FOXP2: variants seen among roughly 807,000 people sequenced by gnomAD.
FOXP2 encodes forkhead box protein P2.
FOXP2 carries 12 observed loss-of-function variants against 115.8 expected under a neutral mutation model. The observed-to-expected ratio is 0.10, with a 90% CI of 0.07 to 0.17. FOXP2 has a LOEUF of 0.17. Ranked by LOEUF, FOXP2 falls within the 10% of genes least tolerant of loss-of-function variation. FOXP2 has a pLI of 1.00. For synonymous variants in FOXP2, 328 were observed against 297.7 expected, an observed-to-expected ratio of 1.10 and a Z score of -1.05; for missense variants, 629 against 843.5, an observed-to-expected ratio of 0.75 and a Z score of 3.15.
chr7:114,208,144 G>A (rs978339791), intron 1 of FOXP2, among the ~76,000 whole-genome samples: 1 of 152,166 alleles, frequency 6.6e-6, no homozygotes, highest in African/African-American at 2.4e-5. Context: ...GAAAGCAACT[G>A]GGAGAGAGGC....
chr7:114,229,342 A>G (rs182742239), intron 1 of FOXP2, among the ~76,000 whole-genome samples: 4 of 151,748 alleles, frequency 2.6e-5, no homozygotes, highest in African/African-American at 9.6e-5. Context: ...CTCACTTTCA[A>G]TAGTGGATAG....
Position 114,505,004 on chromosome 7 carries a change from A to G in FOXP2, c.169-29613A>G, listed in dbSNP as rs1797742273. On this transcript the variant is annotated intron_variant, in intron 2 of 16. Coordinates refer to ENST00000350908, the MANE Select transcript of FOXP2 (RefSeq NM_014491.4). ...AAAAAATTACTGATTTGTTTTAACT[A>G]TTAGTTGGTTACTTATCCATTCAAA... is the stretch of plus-strand genomic sequence containing the variant. 4.0e-5 allele frequency among the ~76,000 whole-genome samples: 6 copies of G among 151,642 alleles called. No individual in the cohort carries two copies. The South Asian group carries it at 1.2e-3, about 31-fold the overall frequency.
chr7:114,176,290 TTCTTTCTTTCTC>T (rs1330060090), intron 1 of FOXP2, among the ~76,000 whole-genome samples: 8 of 37,682 alleles, frequency 2.1e-4, no homozygotes, highest in Non-Finnish European at 4.7e-4. Context: ...CTTTCTTTCT[TTCTTTCTTTCTC>T]TCTCTCTCTC....
chr7:114,576,616 G>C (rs894646988), intron 3 of FOXP2, among the ~76,000 whole-genome samples: 6 of 151,768 alleles, frequency 4.0e-5, no homozygotes, highest in Non-Finnish European at 8.8e-5. Context: ...CAAATAAATT[G>C]ATACACACAC....
At chr7:114,188,344 A>G (rs1262606030) in intron 1 of FOXP2, among the ~76,000 whole-genome samples, 1 of 152,030 alleles carries the variant, frequency 6.6e-6, no homozygotes, top group Non-Finnish European at 1.5e-5. Flanking sequence ...GCCTGGCATC[A>G]CTGGCTTTCT....
upstream of FOXP2, among the ~76,000 whole-genome samples, chr7:114,161,466 T>C (rs116914374): frequency 9.2e-5 from 14 of 152,278 alleles, no homozygotes; most frequent in East Asian, 1.9e-3. Context: ...CCACATATAT[T>C]TTACTTTTTG....
chr7:114,387,336 G>A lies in FOXP2; in HGVS notation c.-10-39166G>A, dbSNP rs1792478439. Among the ~76,000 whole-genome samples the A allele has an allele frequency of 2.6e-5, 4 of 152,116 alleles. No individual in the cohort carries two copies. The South Asian group carries it at 6.2e-4, about 24-fold the overall frequency. On this transcript the variant is annotated intron_variant, in intron 2 of 17. Coordinates refer to the FOXP2 transcript ENST00000634411. ...TTAAAAAATATTCTCTTCTCTTGAGGAAGTTATATTCAGTTTCCATCCTGA... is the reference window on the plus strand; with the variant it reads ...TTAAAAAATATTCTCTTCTCTTGAGAAAGTTATATTCAGTTTCCATCCTGA...
At chr7:114,357,210 A>T (rs116990307) in intron 2 of FOXP2, among the ~76,000 whole-genome samples, 1 of 152,168 alleles carries the variant, frequency 6.6e-6, no homozygotes. Context: ...TTATCGTTAC[A>T]TATATTTTGG....
chr7:114,151,879 A>C (rs1200494343), intron 1 of FOXP2, among the ~76,000 whole-genome samples: 3 of 152,116 alleles, frequency 2.0e-5, no homozygotes, highest in Admixed American at 2.0e-4. Flanking sequence ...GGTTATGTTC[A>C]GACTTTAGTG....
At chr7:114,636,336 A>G (rs1261446436) in intron 6 of FOXP2, among the ~76,000 whole-genome samples, 2 of 152,166 alleles carry the variant, frequency 1.3e-5, no homozygotes, top group African/African-American at 2.4e-5. Context: ...TTAAAATACA[A>G]AATTTAAGAT....
chr7:114,315,038 A>G (rs1797241324), intron 2 of FOXP2, among the ~76,000 whole-genome samples: 1 of 152,192 alleles, frequency 6.6e-6, no homozygotes, highest in African/African-American at 2.4e-5. Context: ...AAAATCTGGT[A>G]GTATTTTTGT....
intron 2 of FOXP2, among the ~76,000 whole-genome samples, chr7:114,396,500 G>A (rs1169234413): frequency 6.6e-6 from 1 of 151,846 alleles, no homozygotes; most frequent in African/African-American, 2.4e-5. Context: ...ATTTTCTTTG[G>A]GCTATATATC....
chr7:114,444,905 T>C (rs1477762127), intron 2 of FOXP2, among the ~76,000 whole-genome samples: 2 of 152,162 alleles, frequency 1.3e-5, no homozygotes, highest in African/African-American at 2.4e-5. Flanking sequence ...CTTTTTCTTG[T>C]TCTACATTTT....
chr7:114,126,247 T>G (rs1791705425), intron 1 of FOXP2, among the ~76,000 whole-genome samples: 1 of 151,032 alleles, frequency 6.6e-6, no homozygotes, highest in Admixed American at 6.6e-5. Flanking sequence ...GAATAATGTA[T>G]AGATGCCTAC....
upstream of FOXP2, chr7:114,086,472 G>C (rs888066581): frequency 1.1e-4 from 38 of 337,406 alleles, no homozygotes; most frequent in Non-Finnish European, 1.8e-4. Context: ...GGCTTCCTCG[G>C]CCCCCCCCCT....
At chr7:114,441,807 G>T (rs1794618739) in intron 2 of FOXP2, among the ~76,000 whole-genome samples, 1 of 152,136 alleles carries the variant, frequency 6.6e-6, no homozygotes, top group Non-Finnish European at 1.5e-5. Flanking sequence ...ACCACACTGA[G>T]ATACTACTTT....
At chr7:114,504,574 T>C (rs963679437) in intron 2 of FOXP2, among the ~76,000 whole-genome samples, 1 of 151,738 alleles carries the variant, frequency 6.6e-6, no homozygotes, top group African/African-American at 2.4e-5. Context: ...ATACATTTCA[T>C]CTTTTATATT....
intron 3 of FOXP2, among the ~76,000 whole-genome samples, chr7:114,584,261 C>A (rs1802016010): frequency 6.6e-6 from 1 of 151,862 alleles, no homozygotes; most frequent in Admixed American, 6.6e-5. Flanking sequence ...AAATCTTTTC[C>A]CCCACATTAG....
intron 2 of FOXP2, among the ~76,000 whole-genome samples, chr7:114,501,003 T>C (rs1386254603): frequency 6.6e-6 from 1 of 152,140 alleles, no homozygotes; most frequent in African/African-American, 2.4e-5. Flanking sequence ...AGCTTTACAG[T>C]GATAAATTTT....
Sources: gnomAD v4.1 joint callset for allele counts (sites outside exome capture counted in the v4.1 genomes callset) on GRCh38, gnomAD v4.1.1 for gene constraint, MANE v1.5 for transcripts, NCBI Gene and HGNC (gene_info 2026-07-23, HGNC 2026-07-21) for gene names.